The following CELA2B variants were observed in gnomAD, a reference collection of about 807,000 sequenced individuals.
CELA2B encodes chymotrypsin like elastase 2B, also known as chymotrypsin-like elastase family member 2B.
In CELA2B, 27 loss-of-function variants were observed where a neutral mutation model predicts 36.5. The observed-to-expected ratio is 0.74, with a 90% CI of 0.55 to 1.02. The LOEUF is 1.02. Ranked by LOEUF, CELA2B falls within the 50% of genes least tolerant of loss-of-function variation. The probability of loss-of-function intolerance (pLI) is 0.00; values close to 1 mark genes in which losing one functional copy is unlikely to be tolerated. For missense variants in CELA2B, 340 were observed against 347.8 expected (o/e 0.98, Z 0.18); for synonymous variants, 143 against 148.5 (o/e 0.96, Z 0.27).
intron 7 of CELA2B, among the ~76,000 whole-genome samples, chr1:15,487,822 CATTA>C (rs1708824409): frequency 6.6e-6 from 1 of 152,228 alleles, no homozygotes; most frequent in South Asian, 2.1e-4. Flanking sequence ...ACCCCCATAG[CATTA>C]ATTATTGGAA....
intron 3 of CELA2B, chr1:15,481,517 T>G (rs1485862447): frequency 6.8e-5 from 36 of 531,060 alleles, no homozygotes; most frequent in Non-Finnish European, 1.2e-4. Context: ...CTTAACTGAC[T>G]TCTCAAAGCT....
intron 2 of CELA2B, among the ~76,000 whole-genome samples, chr1:15,480,407 T>C (rs1176064806): frequency 6.6e-6 from 1 of 152,044 alleles, no homozygotes; most frequent in Admixed American, 6.6e-5. Context: ...GTAGAGACGG[T>C]GTATTAATCC....
At position 15,487,371 on chromosome 1, in the gene CELA2B, T is replaced by G. The variant is rs757367032; in HGVS notation, c.726T>G (p.Gly242=). 6.2e-7 allele frequency: 1 copy of G among 1,614,132 alleles called. No homozygotes were observed. Among genetic ancestry groups the G allele is most frequent in the Admixed American group, 1.7e-5 (1 of 60,016 alleles). The change falls in exon 7 of 8, where the codon GGT becomes GGG. Residue 242 remains glycine (G), a synonymous_variant. Transcript: ENST00000375910. Reference sequence around the variant, plus strand: ...TCGGCAGCCTCACGTCGGTCCTTGGTTGCAACTACTACTACAAGCCCTCCA... The same window carrying G: ...TCGGCAGCCTCACGTCGGTCCTTGGGTGCAACTACTACTACAAGCCCTCCA... The part of the protein sequence containing the change: ...HGIGSLTSVL[G]CNYYYKPSIF...
rs1313674135 is a variant in CELA2B at position 15,491,192 on chromosome 1, C to T, written c.793-103C>T. The T allele has an allele frequency of 5.8e-6, 8 of 1,376,766 alleles. No individual in the cohort carries two copies. The African/African-American group carries it at 1.1e-4, about 20-fold the overall frequency. 85.3% of individuals were successfully genotyped at this position (1,376,766 alleles called of 1,614,324 possible). On this transcript the variant is annotated intron_variant, in intron 7 of 7. Coordinates refer to ENST00000375910, the MANE Select transcript of CELA2B (RefSeq NM_015849.3). The stretch of plus-strand genomic sequence containing the variant: ...CTACTGTAGTGTGGGCTGCCTGTGA[C>T]TCACTTGAGTAGCTTAGCCCAGGAG...
intron 2 of CELA2B, among the ~76,000 whole-genome samples, chr1:15,478,739 T>C (rs1708704087): frequency 6.7e-6 from 1 of 150,070 alleles, no homozygotes; most frequent in South Asian, 2.1e-4. Flanking sequence ...AAATTTTTTT[T>C]GTATTTTAGT....
At chr1:15,477,732 G>T (rs1248492615) in intron 2 of CELA2B, among the ~76,000 whole-genome samples, 1 of 152,032 alleles carries the variant, frequency 6.6e-6, no homozygotes, top group Non-Finnish European at 1.5e-5. Flanking sequence ...AGGAATCATG[G>T]TATTCAGTCT....
chr1:15,486,605 C>A (rs1033827286), intron 6 of CELA2B, among the ~76,000 whole-genome samples: 3 of 152,242 alleles, frequency 2.0e-5, no homozygotes, highest in South Asian at 4.1e-4. Flanking sequence ...GACTGTCCTT[C>A]TGTATCCTTT....
intron 7 of CELA2B, among the ~76,000 whole-genome samples, chr1:15,487,885 A>G (rs1708825182): frequency 6.6e-6 from 1 of 152,204 alleles, no homozygotes; most frequent in Non-Finnish European, 1.5e-5. Flanking sequence ...GTGACCAACC[A>G]TCCCAGTTTG....
At position 15,483,296 on chromosome 1, in the gene CELA2B, C is replaced by T. The variant is rs745398470; in HGVS notation, c.389C>T (p.Pro130Leu). The T allele has an allele frequency of 1.2e-6, 2 of 1,613,902 alleles. No individual in the cohort carries two copies. The highest frequency in any genetic ancestry group is 1.7e-5 in the Admixed American group (1 of 60,022). ...ATTGCCCTGCTCAAACTGGCTAACC[C>T]CGTCTCCCTCACCGACAAGATCCAG... ...NDIALLKLANPVSLTDKIQLA... is the reference protein window; with the variant it reads ...NDIALLKLANLVSLTDKIQLA... Residue 130 changes from proline to leucine, a missense_variant, in exon 5 of 8, where the codon CCC (proline) becomes CTC (leucine). By Grantham distance (98) the Pro-to-Leu change is moderately conservative (BLOSUM62 -3). Coordinates refer to ENST00000375910, the MANE Select transcript of CELA2B (RefSeq NM_015849.3).
chr1:15,485,945 G>T lies in CELA2B; in HGVS notation c.538G>T (p.Val180Phe). Residue 180 changes from valine to phenylalanine, a missense_variant, in exon 6 of 8, where the codon GTT becomes TTT. Val to Phe is a conservative substitution (Grantham distance 50). Transcript: ENST00000375910. Reference sequence around the variant, plus strand: ...TGACCTGAAGCAGGGCCAGTTGCTGGTTGTGGACTATGCCACCTGCTCCAG... The same window carrying T: ...TGACCTGAAGCAGGGCCAGTTGCTGTTTGTGGACTATGCCACCTGCTCCAG... ...PDDLKQGQLL[V>F]VDYATCSSSG... The T allele has an allele frequency of 6.2e-7, 1 of 1,614,192 alleles. No homozygotes were observed. The highest frequency in any genetic ancestry group is 8.5e-7 in the Non-Finnish European group (1 of 1,180,032).
At chr1:15,483,116 C>G in intron 4 of CELA2B, 148 bp from the exon 5 acceptor site, 1 of 1,276,470 alleles carries the variant, frequency 7.8e-7, no homozygotes, top group Admixed American at 2.5e-5. Context: ...CGACCCTCTA[C>G]ATTTTCAAAC....
intron 7 of CELA2B, among the ~76,000 whole-genome samples, chr1:15,488,662 C>A (rs1246105225): frequency 6.6e-6 from 1 of 152,308 alleles, no homozygotes; most frequent in East Asian, 1.9e-4. Context: ...TTATGGTATT[C>A]GTGGCAGAGC....
intron 2 of CELA2B, among the ~76,000 whole-genome samples, chr1:15,478,214 ATAT>A (rs1708695394): frequency 4.9e-5 from 5 of 101,918 alleles, no homozygotes; most frequent in Non-Finnish European, 9.5e-5. Context: ...ATATATATAT[ATAT>A]TGGGATATAT....
In CELA2B at chr1:15,482,453, A is replaced by G; in HGVS notation, c.356+60A>G. 6.9e-6 allele frequency: 11 copies of G among 1,590,290 alleles called. No individual in the cohort carries two copies. In the South Asian group the frequency reaches 1.2e-4, roughly 18 times the overall value. ...TTGTCAGGGAACAGATGGGGGTCTC[A>G]CAGAGGCAAAGGTCTCAACCCCACC... On this transcript the variant is annotated intron_variant, in intron 4 of 7. Coordinates refer to ENST00000375910, the MANE Select transcript of CELA2B (RefSeq NM_015849.3).
At chr1:15,490,650 T>C (rs925634913) in intron 7 of CELA2B, among the ~76,000 whole-genome samples, 2 of 152,022 alleles carry the variant, frequency 1.3e-5, no homozygotes, top group Non-Finnish European at 2.9e-5. Context: ...GGTAGATCAC[T>C]TGAGGTCAGC....
chr1:15,482,770 A>G (rs1708758074), intron 4 of CELA2B, among the ~76,000 whole-genome samples: 1 of 151,636 alleles, frequency 6.6e-6, no homozygotes, highest in South Asian at 2.1e-4. Flanking sequence ...AGCCCTCCGC[A>G]TTTTCTTTTT....
At chr1:15,485,769 A>T (rs1708795970) in intron 5 of CELA2B, 132 bp from the exon 6 acceptor site, 4 of 1,146,852 alleles carry the variant, frequency 3.5e-6, no homozygotes, top group Non-Finnish European at 5.1e-6. Flanking sequence ...AGGACACAGT[A>T]TAGACAAACA....
chr1:15,479,133 A>T (rs1406948027), intron 2 of CELA2B, among the ~76,000 whole-genome samples: 1 of 152,144 alleles, frequency 6.6e-6, no homozygotes, highest in Non-Finnish European at 1.5e-5. Context: ...GGGGTGGGGG[A>T]GTAGATACTT....
chr1:15,478,404 C>G (rs1381838190), intron 2 of CELA2B, among the ~76,000 whole-genome samples: 1 of 151,218 alleles, frequency 6.6e-6, no homozygotes, highest in Non-Finnish European at 1.5e-5. Flanking sequence ...CCACCATGCC[C>G]GGCTAATTTT....
Sources: gnomAD v4.1 joint callset for allele counts (sites outside exome capture counted in the v4.1 genomes callset) on GRCh38, gnomAD v4.1.1 for gene constraint, MANE v1.5 for transcripts, NCBI Gene and HGNC (gene_info 2026-07-23, HGNC 2026-07-21) for gene names.